Variants in MRTFB observed in about 807,000 individuals in gnomAD.
MRTFB encodes myocardin related transcription factor B, also known as myocardin-related transcription factor B.
In MRTFB, 29 loss-of-function variants were observed where a neutral mutation model predicts 104.2. The ratio of observed to expected loss-of-function variants is 0.28; its 90% CI spans 0.21 to 0.38. The LOEUF is 0.38. Ranked by LOEUF, MRTFB falls within the 10% of genes least tolerant of loss-of-function variation. MRTFB has a pLI of 1.00. For missense variants in MRTFB, 1,270 were observed against 1,341.6 expected (o/e 0.95, Z 0.83); for synonymous variants, 535 against 519.5 (o/e 1.03, Z -0.41).
intron 3 of MRTFB, among the ~76,000 whole-genome samples, chr16:14,182,243 G>C (rs978481393): frequency 3.9e-5 from 6 of 152,198 alleles, no homozygotes; most frequent in Non-Finnish European, 7.3e-5. Context: ...TGCCCCGTGG[G>C]AGAGGGGGAG....
chr16:14,214,596 A>G (rs975501747), intron 6 of MRTFB, among the ~76,000 whole-genome samples: 2 of 152,206 alleles, frequency 1.3e-5, no homozygotes, highest in African/African-American at 2.4e-5. Flanking sequence ...CCAGTGTGCT[A>G]GACTCCAGAG....
chr16:14,164,381 T>C (rs1384714377), intron 3 of MRTFB, among the ~76,000 whole-genome samples: 1 of 152,198 alleles, frequency 6.6e-6, no homozygotes, highest in Non-Finnish European at 1.5e-5. Context: ...CCATCCATAT[T>C]GCTGCAAATA....
rs574868801 is a variant in MRTFB at position 14,161,202 on chromosome 16, A to G, written c.154+20442A>G. Among the ~76,000 whole-genome samples the G allele has an allele frequency of 1.1e-4, 17 of 149,192 alleles. 1 individual carries two copies. The South Asian group carries it at 3.4e-3, about 29-fold the overall frequency. On this transcript the variant is annotated intron_variant, in intron 3 of 16. Transcript: ENST00000571589. ...AGTTGAGGCCAAGAATAGCCATGCC[A>G]TCATGAAGTAGGTGAACAAAGCCAG...
intron 15 of MRTFB, among the ~76,000 whole-genome samples, chr16:14,253,236 C>G (rs2043327458): frequency 6.6e-6 from 1 of 152,186 alleles, no homozygotes; most frequent in African/African-American, 2.4e-5. Flanking sequence ...ATCTTTCTCT[C>G]TAAAGCTTTC....
chr16:14,144,969 A>T lies in MRTFB; in HGVS notation c.154+4209A>T, dbSNP rs558497807. Among the ~76,000 whole-genome samples, 838 of 133,700 alleles carry T rather than the reference A, an allele frequency of 6.3e-3. 9 individuals carry two copies. Among genetic ancestry groups the T allele is most frequent in the African/African-American group, 0.025 (778 of 31,418 alleles). The allele number at this position is 133,700 out of a possible 152,430, so 87.7% of individuals were successfully genotyped here. On this transcript the variant is annotated intron_variant, in intron 3 of 16. Coordinates refer to ENST00000571589, the MANE Select transcript of MRTFB (RefSeq NM_001308142.2). ...GTCTCAAAAAAAAAAAAAATAAATAAATATATACATACATATATATATATA... is the reference window on the plus strand; with the variant it reads ...GTCTCAAAAAAAAAAAAAATAAATATATATATACATACATATATATATATA...
the MRTFB span, among the ~76,000 whole-genome samples, chr16:14,005,502 G>GTA: frequency 7.9e-5 from 12 of 152,270 alleles, no homozygotes; most frequent in Admixed American, 7.2e-4. Flanking sequence ...GGAGCAGGTG[G>GTA]TATGATTCCC....
At chr16:14,025,940 C>T in the MRTFB span, among the ~76,000 whole-genome samples, 3 of 152,118 alleles carry the variant, frequency 2.0e-5, no homozygotes, top group Admixed American at 6.6e-5. Context: ...AAAGTATACA[C>T]TGAAAATTAC....
chr16:14,240,997 T>C, intron 10 of MRTFB: 1 of 510,132 alleles, frequency 2.0e-6, no homozygotes, highest in Non-Finnish European at 3.4e-6. Context: ...CATTGGAAGG[T>C]GAGAAAAATT....
intron 2 of MRTFB, among the ~76,000 whole-genome samples, chr16:14,127,288 CAATATTCAAAAAG>C (rs1347067614): frequency 6.6e-6 from 1 of 152,092 alleles, no homozygotes; most frequent in Non-Finnish European, 1.5e-5. Context: ...CAAAATGGAA[CAATATTCAAAAAG>C]ATTTTCAGCC....
chr16:14,150,578 T>A (rs1297556234), intron 3 of MRTFB, among the ~76,000 whole-genome samples: 1 of 152,306 alleles, frequency 6.6e-6, no homozygotes. Context: ...CTGGGTTTAG[T>A]GTCTCACCCC....
At chr16:14,138,700 A>AT (rs1478729774) in intron 2 of MRTFB, among the ~76,000 whole-genome samples, 1 of 152,196 alleles carries the variant, frequency 6.6e-6, no homozygotes, top group Non-Finnish European at 1.5e-5. Flanking sequence ...AGCACAGTGC[A>AT]TACACCTGCC....
At position 14,224,645 on chromosome 16, in the gene MRTFB, G is replaced by C. The variant is rs963300482; in HGVS notation, c.693+5647G>C. 3.9e-5 allele frequency among the ~76,000 whole-genome samples: 6 copies of C among 152,306 alleles called. No homozygotes were observed. In the East Asian group the frequency reaches 1.2e-3, roughly 29 times the overall value. On this transcript the variant is annotated intron_variant, in intron 8 of 16. Transcript: ENST00000571589. ...AATAAGACTATCAGTGGATTTCTCA[G>C]TAGAAGCCTTGAAGACCAGAAGGCA... is the stretch of plus-strand genomic sequence containing the variant.
At chr16:14,002,348 A>C in the MRTFB span, among the ~76,000 whole-genome samples, 5 of 151,204 alleles carry the variant, frequency 3.3e-5, no homozygotes, top group African/African-American at 9.7e-5. Flanking sequence ...ATGCCACTGC[A>C]CTCCAGCCTG....
chr16:14,223,013 T>TAA (rs576525395), intron 8 of MRTFB, among the ~76,000 whole-genome samples: 1 of 150,582 alleles, frequency 6.6e-6, no homozygotes, highest in South Asian at 2.1e-4. Flanking sequence ...AAATCCCATT[T>TAA]AAAAAAAACA....
chr16:14,071,317 G>C (rs2033666351), upstream of MRTFB: 1 of 165,558 alleles, frequency 6.0e-6, no homozygotes. Flanking sequence ...GCGAAGTCTC[G>C]CGAGATCGCG....
intron 3 of MRTFB, among the ~76,000 whole-genome samples, chr16:14,183,294 C>G (rs2039830489): frequency 6.6e-6 from 1 of 152,114 alleles, no homozygotes; most frequent in African/African-American, 2.4e-5. Flanking sequence ...TATAAAATAA[C>G]TGGCCTGTAA....
At chr16:14,150,125 C>G (rs1279312915) in intron 3 of MRTFB, among the ~76,000 whole-genome samples, 1 of 152,164 alleles carries the variant, frequency 6.6e-6, no homozygotes, top group Non-Finnish European at 1.5e-5. Context: ...AAGCCTAGAT[C>G]TTAGCCACAC....
chr16:14,208,242 T>C (rs2041036447), intron 3 of MRTFB, among the ~76,000 whole-genome samples: 1 of 152,182 alleles, frequency 6.6e-6, no homozygotes, highest in Admixed American at 6.5e-5. Flanking sequence ...AAATGACCAA[T>C]GTACAATCAA....
intron 2 of MRTFB, among the ~76,000 whole-genome samples, chr16:14,111,608 A>G (rs1169314519): frequency 2.6e-5 from 4 of 152,166 alleles, no homozygotes; most frequent in African/African-American, 9.7e-5. Context: ...AGAGTTGGGT[A>G]TTGGTATTGC....
Sources: allele counts gnomAD v4.1 joint callset (sites outside exome capture counted in the v4.1 genomes callset), GRCh38; gene constraint gnomAD v4.1.1; transcripts MANE v1.5; gene names NCBI Gene and HGNC (gene_info 2026-07-23, HGNC 2026-07-21).